SBF2: variants seen among roughly 807,000 people sequenced by gnomAD.
The protein encoded by SBF2 is SET binding factor 2.
A neutral mutation model predicts 225.2 loss-of-function variants in SBF2; 112 were observed. The ratio of observed to expected loss-of-function variants is 0.50; its 90% CI spans 0.43 to 0.58. The LOEUF (loss-of-function observed/expected upper bound fraction) is 0.58, where lower values mean the gene tolerates loss of function less well. Among genes scored for constraint, SBF2 ranks in the 20% least tolerant of loss-of-function variants. The pLI, the probability that SBF2 is intolerant of heterozygous loss-of-function variation, is 0.00. For missense variants in SBF2, 1,996 were observed against 2,206.2 expected, an observed-to-expected ratio of 0.90 and a Z score of 1.91; for synonymous variants, 763 against 773.3, an observed-to-expected ratio of 0.99 and a Z score of 0.22.
chr11:9,948,809 T>C (rs988091167), intron 16 of SBF2, among the ~76,000 whole-genome samples: 37 of 152,214 alleles, frequency 2.4e-4, no homozygotes, highest in African/African-American at 8.4e-4. Context: ...AACCATATGA[T>C]TCATTCTAGC....
chr11:10,081,709 G>C (rs1274831303), intron 2 of SBF2, among the ~76,000 whole-genome samples: 1 of 148,400 alleles, frequency 6.7e-6, no homozygotes, highest in East Asian at 2.0e-4. Flanking sequence ...ACAGTGAGCT[G>C]AGATTGCGCC....
intron 2 of SBF2, among the ~76,000 whole-genome samples, chr11:10,170,580 ATTTTAT>A (rs1198788865): frequency 6.6e-5 from 10 of 151,572 alleles, no homozygotes; most frequent in African/African-American, 1.9e-4. Flanking sequence ...AGTTTTTTTA[ATTTTAT>A]TTTTATTTTT....
At chr11:10,194,257 A>G (rs1957284611) in intron 1 of SBF2, among the ~76,000 whole-genome samples, 1 of 152,212 alleles carries the variant, frequency 6.6e-6, no homozygotes, top group Non-Finnish European at 1.5e-5. Context: ...ACAATGCAAC[A>G]ATTTAAAAAT....
intron 2 of SBF2, among the ~76,000 whole-genome samples, chr11:10,179,400 A>C (rs1021703749): frequency 3.3e-5 from 5 of 150,748 alleles, no homozygotes; most frequent in African/African-American, 1.2e-4. Context: ...AAAAAAACAA[A>C]AACAAAACAA....
chr11:9,908,108 AAAT>A (rs1177579345), intron 16 of SBF2, among the ~76,000 whole-genome samples: 1 of 152,252 alleles, frequency 6.6e-6, no homozygotes, highest in Non-Finnish European at 1.5e-5. Flanking sequence ...AGTGAATTAT[AAAT>A]AATATCCTCA....
intron 6 of SBF2, among the ~76,000 whole-genome samples, chr11:10,006,128 G>A (rs935646147): frequency 3.9e-5 from 6 of 152,178 alleles, no homozygotes; most frequent in African/African-American, 1.4e-4. Flanking sequence ...TTCTCTGTAT[G>A]TATTCTGAAA....
chr11:9,880,411 A>G (rs953627837), intron 17 of SBF2, among the ~76,000 whole-genome samples: 2 of 152,226 alleles, frequency 1.3e-5, no homozygotes, highest in African/African-American at 4.8e-5. Context: ...CTGTATGGCA[A>G]CAACTGCTGA....
intron 9 of SBF2, among the ~76,000 whole-genome samples, chr11:9,996,216 T>C (rs1284854051): frequency 6.6e-6 from 1 of 152,160 alleles, no homozygotes; most frequent in Admixed American, 6.6e-5. Context: ...TTCATATCAC[T>C]AGTAAGTAAC....
chr11:10,243,718 A>T (rs992091604), intron 1 of SBF2, among the ~76,000 whole-genome samples: 8 of 152,130 alleles, frequency 5.3e-5, no homozygotes, highest in Non-Finnish European at 1.0e-4. Flanking sequence ...ATAAATTCCT[A>T]GAAATGTATA....
In SBF2 at chr11:9,963,522, T is replaced by C. The variant is rs111640064; in HGVS notation, c.1710+251A>G. Among the ~76,000 whole-genome samples the C allele has an allele frequency of 8.8e-4, 134 of 152,320 alleles. 2 individuals carry two copies. The highest frequency in any genetic ancestry group is 3.1e-3 in the African/African-American group (130 of 41,576). On this transcript the variant is annotated intron_variant, in intron 15 of 39. Coordinates refer to ENST00000256190, the MANE Select transcript of SBF2 (RefSeq NM_030962.4). ...GTTTCTAAGTAATATCCCAAAATAG[T>C]GTTTTGTGAACAATGTTTAAAAGTT...
At chr11:10,070,560 A>G (rs1337086824) in intron 2 of SBF2, among the ~76,000 whole-genome samples, 1 of 152,202 alleles carries the variant, frequency 6.6e-6, no homozygotes, top group Admixed American at 6.5e-5. Flanking sequence ...TGGTTACTAT[A>G]GCCTTGTAGT....
chr11:9,996,412 T>C (rs1293660600), intron 9 of SBF2, among the ~76,000 whole-genome samples: 1 of 152,128 alleles, frequency 6.6e-6, no homozygotes, highest in Non-Finnish European at 1.5e-5. Context: ...TTTTTTGAGA[T>C]GGAGTCGAGC....
At chr11:9,966,063 G>GA (rs1363843916) in intron 14 of SBF2, among the ~76,000 whole-genome samples, 2 of 151,426 alleles carry the variant, frequency 1.3e-5, no homozygotes, top group African/African-American at 2.4e-5. Context: ...TGAGTTATTA[G>GA]AAAAAAACAT....
At chr11:10,075,088 T>C (rs1204658494) in intron 2 of SBF2, among the ~76,000 whole-genome samples, 2 of 152,220 alleles carry the variant, frequency 1.3e-5, no homozygotes, top group Admixed American at 6.5e-5. Context: ...TTATCAGATA[T>C]ACTGAAAAAG....
At chr11:9,962,196 C>T (rs927648668) in intron 15 of SBF2, 90 bp from the exon 16 acceptor site, 9 of 1,129,510 alleles carry the variant, frequency 8.0e-6, no homozygotes, top group Non-Finnish European at 9.3e-6. Context: ...CAAACGCATC[C>T]TATAATTTAT....
intron 16 of SBF2, chr11:9,915,523 C>T (rs1022940910): frequency 6.6e-6 from 1 of 151,222 alleles, no homozygotes; most frequent in African/African-American, 2.4e-5. Flanking sequence ...GATGGACTTA[C>T]CCATGAAGAG....
intron 38 of SBF2, 128 bp from the exon 39 acceptor site, chr11:9,781,766 C>A (rs1021503544): frequency 4.6e-6 from 5 of 1,084,534 alleles, no homozygotes; most frequent in South Asian, 1.3e-5. Flanking sequence ...TCGAAGAATA[C>A]ACAAAAAATT....
intron 3 of SBF2, among the ~76,000 whole-genome samples, chr11:10,038,547 AT>A (rs1845236633): frequency 6.6e-6 from 1 of 151,880 alleles, no homozygotes; most frequent in Admixed American, 6.6e-5. Context: ...GTCTGCAATT[AT>A]TATCTGTTTC....
At chr11:10,070,797 GAATGTTTTTC>G (rs1950834898) in intron 2 of SBF2, among the ~76,000 whole-genome samples, 1 of 152,202 alleles carries the variant, frequency 6.6e-6, no homozygotes, top group African/African-American at 2.4e-5. Context: ...CATGAGCATG[GAATGTTTTTC>G]CATTTGTTTG....
Sources: gnomAD v4.1 joint callset for allele counts (sites outside exome capture counted in the v4.1 genomes callset) on GRCh38, gnomAD v4.1.1 for gene constraint, MANE v1.5 for transcripts, NCBI Gene and HGNC (gene_info 2026-07-23, HGNC 2026-07-21) for gene names.